DLGAP2: variants seen among roughly 807,000 people sequenced by gnomAD.
DLGAP2 encodes the protein disks large-associated protein 2.
In DLGAP2, 26 loss-of-function variants were observed where a neutral mutation model predicts 100.3. That is an observed-to-expected ratio of 0.26 (90% confidence interval 0.19 to 0.36). The LOEUF (loss-of-function observed/expected upper bound fraction) is 0.36, where lower values mean the gene tolerates loss of function less well. DLGAP2 is among the 10% of genes least tolerant of loss of function. The probability of loss-of-function intolerance (pLI) is 1.00; values close to 1 mark genes in which losing one functional copy is unlikely to be tolerated. For synonymous variants in DLGAP2, 886 were observed against 630.1 expected, an observed-to-expected ratio of 1.41 and a Z score of -6.08; for missense variants, 1,858 against 1,453.2, an observed-to-expected ratio of 1.28 and a Z score of -4.53.
chr8:1,552,674 A>T (rs534350098), intron 5 of DLGAP2, among the ~76,000 whole-genome samples: 1 of 152,346 alleles, frequency 6.6e-6, no homozygotes, highest in East Asian at 1.9e-4. Context: ...GTCCTAGTGT[A>T]CGGATAAGAT....
intron 2 of DLGAP2, among the ~76,000 whole-genome samples, chr8:946,548 C>A (rs1056655207): frequency 6.6e-6 from 1 of 152,202 alleles, no homozygotes; most frequent in East Asian, 1.9e-4. Flanking sequence ...CAGGCGTGAG[C>A]CACCGCGCCC....
intron 3 of DLGAP2, among the ~76,000 whole-genome samples, chr8:1,274,794 A>G (rs1799650575): frequency 7.2e-6 from 1 of 138,038 alleles, no homozygotes; most frequent in African/African-American, 2.8e-5. Flanking sequence ...GATGTTTGGT[A>G]TATAATTCCA....
chr8:1,687,443 TA>T (rs1315312393), intron 12 of DLGAP2, among the ~76,000 whole-genome samples: 1 of 152,220 alleles, frequency 6.6e-6, no homozygotes, highest in East Asian at 1.9e-4. Flanking sequence ...TGGGAGAGAA[TA>T]AATTGAATTT....
At chr8:1,498,480 T>C (rs1486859038) in intron 3 of DLGAP2, among the ~76,000 whole-genome samples, 1 of 152,198 alleles carries the variant, frequency 6.6e-6, no homozygotes, top group South Asian at 2.1e-4. Context: ...AGCCATGTTA[T>C]GTAGGGTAAA....
At chr8:1,239,871 C>T (rs1479093335) in intron 2 of DLGAP2, among the ~76,000 whole-genome samples, 1 of 97,350 alleles carries the variant, frequency 1.0e-5, no homozygotes, top group African/African-American at 4.4e-5. Context: ...TCTCACATGG[C>T]ACCGTGTCTA....
rs576325319 is a variant in DLGAP2 at position 1,252,065 on chromosome 8, G to A, written c.74-6786G>A. Among the ~76,000 whole-genome samples, 14 of 146,392 alleles carry A rather than the reference G, an allele frequency of 9.6e-5. No individual in the cohort carries two copies. The South Asian group carries it at 2.7e-3, about 29-fold the overall frequency. ...CATGTCATGTCACACTTGTCACACT[G>A]TGTTGTCGTGTGGGTGTGTTGTGTT... On this transcript the variant is annotated intron_variant, in intron 2 of 14. Transcript: ENST00000637795.
At chr8:875,397 G>A (rs544968562) in intron 1 of DLGAP2, among the ~76,000 whole-genome samples, 1 of 152,300 alleles carries the variant, frequency 6.6e-6, no homozygotes, top group African/African-American at 2.4e-5. Context: ...CCCGGTGAGA[G>A]GTAATTGAAT....
intron 2 of DLGAP2, among the ~76,000 whole-genome samples, chr8:1,159,675 T>G (rs1013360089): frequency 6.6e-6 from 1 of 152,242 alleles, no homozygotes; most frequent in African/African-American, 2.4e-5. Flanking sequence ...CTTTGGTTAT[T>G]TTATATACAT....
At chr8:1,312,293 G>C (rs1192686860) in intron 3 of DLGAP2, among the ~76,000 whole-genome samples, 4 of 152,202 alleles carry the variant, frequency 2.6e-5, no homozygotes, top group Non-Finnish European at 5.9e-5. Flanking sequence ...TGAGTTTTTA[G>C]AGACCGCACC....
chr8:1,573,199 G>C (rs1474187190), intron 6 of DLGAP2, among the ~76,000 whole-genome samples: 1 of 139,940 alleles, frequency 7.1e-6, no homozygotes, highest in African/African-American at 2.8e-5. Context: ...TGAAGTGTCA[G>C]GGGCATCTGA....
intron 3 of DLGAP2, among the ~76,000 whole-genome samples, chr8:1,317,777 G>A (rs566377015): frequency 8.6e-5 from 9 of 104,546 alleles, no homozygotes; most frequent in South Asian, 6.8e-4. Flanking sequence ...GTCTACACTC[G>A]AGACACTCGT....
chr8:750,104 G>A (rs1351186884), intron 1 of DLGAP2, among the ~76,000 whole-genome samples: 2 of 152,358 alleles, frequency 1.3e-5, no homozygotes, highest in African/African-American at 4.8e-5. Context: ...TTCCAAGCAC[G>A]CTCACATTCC....
Position 814,676 on chromosome 8 carries a change from T to C in DLGAP2, c.18+76851T>C, listed in dbSNP as rs531787967. On this transcript the variant is annotated intron_variant, in intron 1 of 14. Coordinates refer to ENST00000637795, the MANE Select transcript of DLGAP2 (RefSeq NM_001346810.2). The stretch of plus-strand genomic sequence containing the variant: ...CCCTGGCTAACATGGTGAAACCCCG[T>C]CTCTACTAAAAATACAAAAAAAAAA... Among the ~76,000 whole-genome samples, 3 of 150,536 alleles carry C rather than the reference T, an allele frequency of 2.0e-5. No homozygotes were observed. The South Asian group carries it at 6.3e-4, about 32-fold the overall frequency.
chr8:1,171,849 T>C (rs1797135481), intron 2 of DLGAP2, among the ~76,000 whole-genome samples: 2 of 152,224 alleles, frequency 1.3e-5, no homozygotes, highest in Admixed American at 1.3e-4. Context: ...TTTGCCAGTC[T>C]GTGTCTTTTA....
chr8:1,376,057 G>A (rs7815092), intron 3 of DLGAP2, among the ~76,000 whole-genome samples: 4 of 104,154 alleles, frequency 3.8e-5, no homozygotes, highest in African/African-American at 1.5e-4. Flanking sequence ...ACCTCTCCAC[G>A]GCCTCAGAAC....
intron 3 of DLGAP2, among the ~76,000 whole-genome samples, chr8:1,416,746 G>A (rs1791405885): frequency 6.6e-6 from 1 of 152,316 alleles, no homozygotes; most frequent in East Asian, 1.9e-4. Flanking sequence ...AAAGGAATCG[G>A]ACGTGTTGGC....
chr8:937,258 G>T (rs570656954), intron 2 of DLGAP2, among the ~76,000 whole-genome samples: 14 of 152,256 alleles, frequency 9.2e-5, no homozygotes, highest in South Asian at 6.2e-4. Flanking sequence ...TCACCATGAT[G>T]GGCATGCTGT....
rs1336601901 is a variant in DLGAP2 at position 1,701,301 on chromosome 8, G to A, written c.3063G>A (p.Arg1021=). The A allele has an allele frequency of 8.8e-6, 14 of 1,585,304 alleles. No homozygotes were observed. The highest frequency in any genetic ancestry group is 5.4e-5 in the African/African-American group (4 of 74,162). The change falls in exon 15 of 15, where the codon AGG becomes AGA. Residue 1021 remains arginine, a synonymous_variant. Transcript: ENST00000637795. Reference sequence around the variant, plus strand: ...ACAGACAACGCCAGGAAGCCCGGAGGCGCCTCATGGCCGCCAAGCGAGCGG... The same window carrying A: ...ACAGACAACGCCAGGAAGCCCGGAGACGCCTCATGGCCGCCAAGCGAGCGG... ...LPDRQRQEAR[R]RLMAAKRAAS...
At chr8:1,479,474 A>G (rs75043979) in intron 3 of DLGAP2, among the ~76,000 whole-genome samples, 3,012 of 152,298 alleles carry the variant, frequency 0.02, 47 homozygotes, top group Middle Eastern at 0.034. Context: ...ATTAATTGCA[A>G]ATGGACATCT....
Sources: gnomAD v4.1 joint callset for allele counts (sites outside exome capture counted in the v4.1 genomes callset) on GRCh38, gnomAD v4.1.1 for gene constraint, MANE v1.5 for transcripts, NCBI Gene and HGNC (gene_info 2026-07-23, HGNC 2026-07-21) for gene names.